The following SLC38A4 variants were observed in gnomAD, a reference collection of about 807,000 sequenced individuals.
SLC38A4 encodes the protein sodium-coupled neutral amino acid transporter 4.
Under a neutral mutation model 63.1 loss-of-function variants are expected in SLC38A4, and 20 were observed. The ratio of observed to expected loss-of-function variants is 0.32; its 90% CI spans 0.22 to 0.46. The LOEUF (loss-of-function observed/expected upper bound fraction) is 0.46. Ranked by LOEUF, SLC38A4 falls within the 20% of genes least tolerant of loss-of-function variation. The pLI, the probability that SLC38A4 is intolerant of heterozygous loss-of-function variation, is 1.00. For synonymous variants in SLC38A4, 230 were observed against 225.5 expected, an observed-to-expected ratio of 1.02 and a Z score of -0.18; for missense variants, 526 against 663.6, an observed-to-expected ratio of 0.79 and a Z score of 2.28.
intron 1 of SLC38A4, among the ~76,000 whole-genome samples, chr12:46,816,496 A>G (rs185584584): frequency 1.2e-4 from 18 of 152,094 alleles, no homozygotes; most frequent in South Asian, 1.0e-3. Flanking sequence ...GACAAAAAAC[A>G]TTCTATACCT....
chr12:46,811,526 A>G (rs779149261), intron 1 of SLC38A4, among the ~76,000 whole-genome samples: 5 of 152,068 alleles, frequency 3.3e-5, no homozygotes, highest in Non-Finnish European at 7.4e-5. Flanking sequence ...TGGAAAGGTC[A>G]GTGCAGGGAT....
At chr12:46,792,461 C>A (rs1015377662) in intron 3 of SLC38A4, among the ~76,000 whole-genome samples, 19 of 151,924 alleles carry the variant, frequency 1.3e-4, no homozygotes, top group African/African-American at 4.6e-4. Context: ...ATAAATGAGG[C>A]AATTTAGACA....
chr12:46,768,197 G>T (rs1295184729), intron 16 of SLC38A4, 113 bp downstream of exon 16: 11 of 731,006 alleles, frequency 1.5e-5, no homozygotes, highest in Admixed American at 3.0e-5. Context: ...GCCCAGTTTT[G>T]ATTTTTGGTT....
At chr12:46,798,092 G>T (rs1325300562) in intron 2 of SLC38A4, among the ~76,000 whole-genome samples, 2 of 151,886 alleles carry the variant, frequency 1.3e-5, no homozygotes, top group African/African-American at 4.8e-5. Context: ...TCTCCTAATT[G>T]ATCTTCAATT....
intron 1 of SLC38A4, among the ~76,000 whole-genome samples, chr12:46,824,835 GC>G (rs1939615209): frequency 6.6e-6 from 1 of 151,812 alleles, no homozygotes; most frequent in Non-Finnish European, 1.5e-5. Flanking sequence ...ATCTTGACAG[GC>G]CTATAGTGGG....
intron 1 of SLC38A4, among the ~76,000 whole-genome samples, chr12:46,807,961 C>T (rs1592192428): frequency 1.3e-5 from 2 of 148,874 alleles, no homozygotes; most frequent in Admixed American, 1.3e-4. Context: ...TTCTAATTTG[C>T]TTTGGCAAAG....
chr12:46,793,278 G>C, intron 2 of SLC38A4, 95 bp from the exon 3 acceptor site: 1 of 353,398 alleles, frequency 2.8e-6, no homozygotes, highest in South Asian at 6.2e-5. Flanking sequence ...CTGTAAAAGG[G>C]AGGAAGGAAA....
intron 14 of SLC38A4, among the ~76,000 whole-genome samples, 191 bp downstream of exon 14, chr12:46,774,858 A>C (rs1938490817): frequency 6.6e-6 from 1 of 151,012 alleles, no homozygotes; most frequent in South Asian, 2.1e-4. Context: ...TAAAAATACC[A>C]CCTGAAACTA....
At chr12:46,788,649 G>A (rs1472775020) in intron 3 of SLC38A4, 31 bp from the exon 4 acceptor site, 2 of 1,540,498 alleles carry the variant, frequency 1.3e-6, no homozygotes, top group Non-Finnish European at 1.8e-6. Flanking sequence ...ATAAGAAAGT[G>A]AAAACATCTA....
chr12:46,775,055 G>C lies in SLC38A4; in HGVS notation c.1293C>G (p.Leu431=), dbSNP rs1203205885. The part of the protein sequence containing the change: ...VAVTLTVPIV[L]FPIRTSVITL... ...CAAAGTCTTATGTACTTACTGGGAA[G>C]AGGACAATGGGCACAGTTAGTGTTA... is the stretch of plus-strand genomic sequence containing the variant. Residue 431 remains leucine (L), a synonymous_variant, in exon 14 of 17, where the codon CTC becomes CTG. Coordinates refer to ENST00000266579, the MANE Select transcript of SLC38A4 (RefSeq NM_018018.5). The C allele has an allele frequency of 1.2e-6, 2 of 1,612,422 alleles. No homozygotes were observed. The highest frequency in any genetic ancestry group is 1.7e-5 in the Admixed American group (1 of 59,916).
At chr12:46,831,205 G>A (rs749479665) in intron 1 of SLC38A4, among the ~76,000 whole-genome samples, 17 of 152,200 alleles carry the variant, frequency 1.1e-4, no homozygotes, top group Admixed American at 2.0e-4. Context: ...TAGATGAAGA[G>A]TACCTCACCG....
chr12:46,780,289 G>C (rs1430864774), intron 7 of SLC38A4, among the ~76,000 whole-genome samples: 1 of 151,976 alleles, frequency 6.6e-6, no homozygotes, highest in Non-Finnish European at 1.5e-5. Flanking sequence ...TGAAGCTGCA[G>C]TTCTAAGGTT....
At chr12:46,782,185 T>G (rs1021448457) in intron 7 of SLC38A4, among the ~76,000 whole-genome samples, 7 of 152,054 alleles carry the variant, frequency 4.6e-5, no homozygotes, top group African/African-American at 1.7e-4. Context: ...CTAAAGAAAT[T>G]TCTGCATTCC....
intron 1 of SLC38A4, among the ~76,000 whole-genome samples, chr12:46,819,595 C>T (rs1165544520): frequency 6.6e-6 from 1 of 151,712 alleles, no homozygotes; most frequent in Admixed American, 6.6e-5. Flanking sequence ...TATATGATGA[C>T]TTAGATCGTC....
chr12:46,799,712 A>T (rs760968586), intron 2 of SLC38A4, among the ~76,000 whole-genome samples: 1 of 152,204 alleles, frequency 6.6e-6, no homozygotes, highest in Non-Finnish European at 1.5e-5. Flanking sequence ...TAAGGGAACA[A>T]TGGTTAAATG....
chr12:46,790,432 T>C (rs1355529246), intron 3 of SLC38A4, among the ~76,000 whole-genome samples: 1 of 152,136 alleles, frequency 6.6e-6, no homozygotes, highest in Non-Finnish European at 1.5e-5. Context: ...CCACCACTCT[T>C]TTGTGGTTTA....
chr12:46,810,000 A>G (rs1377625048), intron 1 of SLC38A4, among the ~76,000 whole-genome samples: 1 of 152,054 alleles, frequency 6.6e-6, no homozygotes, highest in Non-Finnish European at 1.5e-5. Flanking sequence ...ATCTTTCTTT[A>G]AAACTTATTT....
intron 1 of SLC38A4, among the ~76,000 whole-genome samples, chr12:46,822,230 G>T (rs1565680029): frequency 1.3e-5 from 2 of 152,144 alleles, no homozygotes; most frequent in East Asian, 3.9e-4. Flanking sequence ...CTTAACAAAG[G>T]GTAATTATTT....
chr12:46,779,513 A>T (rs1398846216), intron 10 of SLC38A4, 98 bp downstream of exon 10: 1 of 903,908 alleles, frequency 1.1e-6, no homozygotes, highest in Non-Finnish European at 1.7e-6. Context: ...GAACTATTTC[A>T]TATTAGTGAA....
Sources: gnomAD v4.1 joint callset for allele counts (sites outside exome capture counted in the v4.1 genomes callset) on GRCh38, gnomAD v4.1.1 for gene constraint, MANE v1.5 for transcripts, NCBI Gene and HGNC (gene_info 2026-07-23, HGNC 2026-07-21) for gene names.